The following MBD5 variants were observed in gnomAD, a reference collection of about 807,000 sequenced individuals.
MBD5 encodes the protein methyl-CpG-binding domain protein 5.
A neutral mutation model predicts 117.3 loss-of-function variants in MBD5; 13 were observed. The ratio of observed to expected loss-of-function variants is 0.11; its 90% CI spans 0.07 to 0.18. MBD5 has a LOEUF of 0.18. Ranked by LOEUF, MBD5 falls within the 10% of genes least tolerant of loss-of-function variation. MBD5 has a pLI of 1.00. For missense variants in MBD5, 1,879 were observed against 2,093.8 expected, an observed-to-expected ratio of 0.90 and a Z score of 2.00; for synonymous variants, 727 against 766.4, an observed-to-expected ratio of 0.95 and a Z score of 0.85.
At chr2:148,294,950 A>G (rs914126148) in intron 3 of MBD5, among the ~76,000 whole-genome samples, 1 of 152,038 alleles carries the variant, frequency 6.6e-6, no homozygotes, top group Non-Finnish European at 1.5e-5. Context: ...TGTATGTGAG[A>G]AATTATTTTT....
At chr2:148,471,967 C>T (rs939438151) in intron 8 of MBD5, 12 of 152,008 alleles carry the variant, frequency 7.9e-5, no homozygotes, top group Non-Finnish European at 1.5e-4. Flanking sequence ...ATTTATTGAG[C>T]ATACCTTAAA....
At chr2:148,112,284 A>G (rs1433988970) in intron 1 of MBD5, among the ~76,000 whole-genome samples, 2 of 152,218 alleles carry the variant, frequency 1.3e-5, no homozygotes, top group African/African-American at 4.8e-5. Context: ...GAGAACATTT[A>G]GGGTATTTAC....
intron 4 of MBD5, among the ~76,000 whole-genome samples, chr2:148,396,717 T>A (rs1704725740): frequency 6.6e-6 from 1 of 152,158 alleles, no homozygotes; most frequent in Non-Finnish European, 1.5e-5. Flanking sequence ...TTGGAAAAGA[T>A]CAGAAGGTGG....
At chr2:148,470,502 T>C in intron 8 of MBD5, 41 bp downstream of exon 8, 4 of 1,478,124 alleles carry the variant, frequency 2.7e-6, no homozygotes, top group Non-Finnish European at 3.6e-6. Flanking sequence ...GGTACTAAAC[T>C]TTTCTACTTT....
chr2:148,404,459 TC>T (rs897412447), intron 4 of MBD5, among the ~76,000 whole-genome samples: 2 of 140,530 alleles, frequency 1.4e-5, no homozygotes, highest in Non-Finnish European at 3.2e-5. Flanking sequence ...CTTCTATAGA[TC>T]CCTGCATTTC....
At chr2:148,267,481 T>G (rs1395752594) in intron 3 of MBD5, among the ~76,000 whole-genome samples, 1 of 152,184 alleles carries the variant, frequency 6.6e-6, no homozygotes, top group Non-Finnish European at 1.5e-5. Flanking sequence ...ATTGGTAACT[T>G]TTAATCGAAT....
intron 1 of MBD5, among the ~76,000 whole-genome samples, chr2:148,155,263 A>G (rs1250848798): frequency 6.6e-6 from 1 of 152,180 alleles, no homozygotes; most frequent in East Asian, 1.9e-4. Flanking sequence ...AGATCAAGTC[A>G]CGTGGGTACC....
At chr2:148,261,975 C>T (rs893208657) in intron 3 of MBD5, among the ~76,000 whole-genome samples, 1 of 152,124 alleles carries the variant, frequency 6.6e-6, no homozygotes, top group Non-Finnish European at 1.5e-5. Flanking sequence ...CAACATTTAT[C>T]GATTGAATTT....
chr2:148,209,618 C>T (rs187363243), intron 2 of MBD5, among the ~76,000 whole-genome samples: 10 of 151,420 alleles, frequency 6.6e-5, no homozygotes, highest in Admixed American at 4.6e-4. Context: ...ATTGCTATAA[C>T]GGAATAATGA....
intron 4 of MBD5, among the ~76,000 whole-genome samples, chr2:148,419,451 T>C (rs1414554856): frequency 6.6e-6 from 1 of 152,172 alleles, no homozygotes; most frequent in Non-Finnish European, 1.5e-5. Flanking sequence ...TGGAATGCAT[T>C]TCTGTGAATT....
At chr2:148,423,238 C>A (rs1177274924) in intron 4 of MBD5, among the ~76,000 whole-genome samples, 1 of 151,986 alleles carries the variant, frequency 6.6e-6, no homozygotes, top group African/African-American at 2.4e-5. Flanking sequence ...GATCTCTCAG[C>A]AGAAACCCTA....
At chr2:148,024,594 C>T (rs1693847381) in intron 1 of MBD5, among the ~76,000 whole-genome samples, 2 of 152,090 alleles carry the variant, frequency 1.3e-5, no homozygotes, top group South Asian at 2.1e-4. Flanking sequence ...CTTTCCTCTC[C>T]TTTTCTTGTC....
At chr2:148,463,558 A>G (rs1379900045) in intron 6 of MBD5, among the ~76,000 whole-genome samples, 181 bp from the exon 7 acceptor site, 1 of 152,164 alleles carries the variant, frequency 6.6e-6, no homozygotes, top group African/African-American at 2.4e-5. Context: ...CTTTGCCACT[A>G]AAAGCTTGAG....
chr2:148,405,514 A>T (rs1705048734), intron 4 of MBD5, among the ~76,000 whole-genome samples: 1 of 150,486 alleles, frequency 6.6e-6, no homozygotes, highest in Admixed American at 6.6e-5. Context: ...GTCAAGAATA[A>T]GTTCGACATG....
chr2:148,144,388 T>G (rs1052630602), intron 1 of MBD5, among the ~76,000 whole-genome samples: 1 of 152,174 alleles, frequency 6.6e-6, no homozygotes, highest in East Asian at 1.9e-4. Context: ...TTTCTCCCAT[T>G]CTGTAGGTTG....
chr2:148,410,808 C>T (rs572305983), intron 4 of MBD5, among the ~76,000 whole-genome samples: 5 of 151,990 alleles, frequency 3.3e-5, no homozygotes, highest in South Asian at 2.1e-4. Context: ...GGCTATCAGT[C>T]GAATTTTAAG....
chr2:148,122,313 C>T (rs1193548527), intron 1 of MBD5, among the ~76,000 whole-genome samples: 1 of 152,034 alleles, frequency 6.6e-6, no homozygotes, highest in Non-Finnish European at 1.5e-5. Context: ...AGTTTAGAAA[C>T]AATACCTGAT....
At chr2:148,400,276 T>C (rs1189161471) in intron 4 of MBD5, among the ~76,000 whole-genome samples, 2 of 152,326 alleles carry the variant, frequency 1.3e-5, no homozygotes, top group East Asian at 1.9e-4. Flanking sequence ...AATCCTAATA[T>C]ACAAAATAAA....
At chr2:148,198,567 C>G (rs1901810) in intron 2 of MBD5, among the ~76,000 whole-genome samples, 2 of 151,832 alleles carry the variant, frequency 1.3e-5, no homozygotes, top group African/African-American at 4.8e-5. Context: ...ATAGTAAGTT[C>G]ATCATATATA....
Sources: gnomAD v4.1 joint callset for allele counts (sites outside exome capture counted in the v4.1 genomes callset) on GRCh38, gnomAD v4.1.1 for gene constraint, MANE v1.5 for transcripts, NCBI Gene and HGNC (gene_info 2026-07-23, HGNC 2026-07-21) for gene names.